The following FANCL variants were observed in gnomAD, a reference collection of about 807,000 sequenced individuals.
The protein encoded by FANCL is E3 ubiquitin-protein ligase FANCL.
FANCL carries 69 observed loss-of-function variants against 59.4 expected under a neutral mutation model. The observed-to-expected ratio is 1.16, with a 90% confidence interval of 0.96 to 1.42. FANCL has a LOEUF of 1.42. Ranked by LOEUF, FANCL falls within the 40% of genes most tolerant of loss-of-function variation. The probability of loss-of-function intolerance (pLI) is 0.00; values close to 1 mark genes in which losing one functional copy is unlikely to be tolerated. For missense variants in FANCL, 519 were observed against 447.2 expected (o/e 1.16, Z -1.45); for synonymous variants, 180 against 147.1 (o/e 1.22, Z -1.62).
At chr2:58,235,166 A>C (rs1169070494) in intron 1 of FANCL, among the ~76,000 whole-genome samples, 3 of 151,958 alleles carry the variant, frequency 2.0e-5, no homozygotes, top group African/African-American at 7.2e-5. Flanking sequence ...AGAGAAATGC[A>C]TGGAGAGTAG....
At chr2:58,177,882 C>G (rs1036205447) in intron 7 of FANCL, among the ~76,000 whole-genome samples, 19 of 150,974 alleles carry the variant, frequency 1.3e-4, no homozygotes, top group African/African-American at 4.6e-4. Flanking sequence ...ATCAAATAGA[C>G]ACAATAAAAA....
intron 5 of FANCL, among the ~76,000 whole-genome samples, chr2:58,217,792 A>C (rs941157726): frequency 7.5e-5 from 11 of 145,788 alleles, no homozygotes; most frequent in Non-Finnish European, 1.1e-4. Flanking sequence ...ACAAGCGGAC[A>C]AAAAAAAAAA....
intron 5 of FANCL, among the ~76,000 whole-genome samples, chr2:58,211,264 G>A (rs1402857324): frequency 6.6e-6 from 1 of 152,206 alleles, no homozygotes; most frequent in Non-Finnish European, 1.5e-5. Context: ...AACAACATGT[G>A]GAAGCTGCCA....
At chr2:58,226,259 T>C (rs946265430) in intron 4 of FANCL, among the ~76,000 whole-genome samples, 2 of 152,164 alleles carry the variant, frequency 1.3e-5, no homozygotes. Flanking sequence ...ATAAAATGTC[T>C]ACAGGATAAA....
In FANCL at chr2:58,229,782, C is replaced by A. The variant is rs773454358; in HGVS notation, c.216+32G>T. The A allele has an allele frequency of 4.0e-6, 6 of 1,502,912 alleles. No individual in the cohort carries two copies. The Admixed American group carries it at 6.7e-5, about 17-fold the overall frequency. 93.1% of individuals were successfully genotyped at this position (1,502,912 alleles called of 1,614,324 possible). On this transcript the variant is annotated intron_variant, in intron 3 of 13. Coordinates refer to ENST00000233741, the MANE Select transcript of FANCL (RefSeq NM_018062.4). ...TAAATTTAGTAATTTCTTATCTTCACTGAAAACATAAACCTTTTAAAAAGG... is the reference window on the plus strand; with the variant it reads ...TAAATTTAGTAATTTCTTATCTTCAATGAAAACATAAACCTTTTAAAAAGG...
chr2:58,172,076 T>A (rs1319634793), intron 7 of FANCL, among the ~76,000 whole-genome samples: 1 of 152,050 alleles, frequency 6.6e-6, no homozygotes, highest in Non-Finnish European at 1.5e-5. Context: ...CAGGCTAGCT[T>A]AGGAAAACAA....
At chr2:58,196,824 A>G (rs2105086226) in intron 7 of FANCL, among the ~76,000 whole-genome samples, 1 of 152,066 alleles carries the variant, frequency 6.6e-6, no homozygotes, top group East Asian at 1.9e-4. Flanking sequence ...GATAAATATT[A>G]AAGTATAATT....
chr2:58,202,239 T>TAAAAA (rs5831491), intron 6 of FANCL, among the ~76,000 whole-genome samples: 1,258 of 106,056 alleles, frequency 0.012, 49 homozygotes, highest in African/African-American at 0.044. Flanking sequence ...ACCTTTTTCC[T>TAAAAA]AAAAAAAAAA....
chr2:58,241,333 C>A (rs1163086363), upstream of FANCL: 1 of 1,612,722 alleles, frequency 6.2e-7, no homozygotes, highest in African/African-American at 1.3e-5. Context: ...TCCGGAGAAA[C>A]ACAGAAAAGC....
chr2:58,167,583 A>T (rs1686083614), intron 7 of FANCL, among the ~76,000 whole-genome samples: 1 of 152,266 alleles, frequency 6.6e-6, no homozygotes, highest in South Asian at 2.1e-4. Context: ...TCTTATGCAC[A>T]ACTGCAAATA....
chr2:58,159,533 C>T lies in FANCL; in HGVS notation c.*232G>A, dbSNP rs1015035479. 5.6e-6 allele frequency: 9 copies of T among 1,613,688 alleles called. No homozygotes were observed. In the Admixed American group the frequency reaches 1.3e-4, roughly 24 times the overall value. ...CCATCTTGGTATAAATACACTTCCA[C>T]AGTCAGCACGGGGATCACAGACTTA... On this transcript the variant is annotated 3_prime_UTR_variant, in exon 14 of 14. Transcript: ENST00000233741.
At position 58,209,067 on chromosome 2, in the gene FANCL, A is replaced by T. The variant is rs145894926; in HGVS notation, c.375-4841T>A. On this transcript the variant is annotated intron_variant, in intron 5 of 13. Transcript: ENST00000233741. ...ATATTCCTTCAAAGCTTATCCCAAC[A>T]TTCATCTCCTCTAAGAACTCTCCTA... Among the ~76,000 whole-genome samples the T allele has an allele frequency of 2.5e-3, 380 of 152,302 alleles. 1 individual carries two copies. The highest frequency in any genetic ancestry group is 6.8e-3 in the Middle Eastern group (2 of 294).
intron 5 of FANCL, among the ~76,000 whole-genome samples, chr2:58,213,195 C>G (rs907359318): frequency 3.3e-5 from 5 of 151,766 alleles, no homozygotes; most frequent in Admixed American, 1.3e-4. Context: ...ACATTTAAAT[C>G]AATCTGTCAT....
In FANCL at chr2:58,226,796, T is replaced by C. The variant is rs753054636; in HGVS notation, c.217-12A>G. 1.0e-5 allele frequency: 16 copies of C among 1,604,950 alleles called. No homozygotes were observed. The Admixed American group carries it at 2.7e-4, about 27-fold the overall frequency. The stretch of plus-strand genomic sequence containing the variant: ...GAGTGCTGCATTCTCTAGATCAAAA[T>C]ATTTCCAATTAATTTCATTTGCACA... On this transcript the variant is annotated splice_polypyrimidine_tract_variant and intron_variant, in intron 3 of 13. Coordinates refer to ENST00000233741, the MANE Select transcript of FANCL (RefSeq NM_018062.4).
chr2:58,163,997 A>G (rs950144937), intron 8 of FANCL, among the ~76,000 whole-genome samples: 1 of 152,046 alleles, frequency 6.6e-6, no homozygotes, highest in Admixed American at 6.5e-5. Flanking sequence ...AAAAATTTAT[A>G]AAAACATTTT....
At chr2:58,179,186 C>T (rs1331087683) in intron 7 of FANCL, among the ~76,000 whole-genome samples, 1 of 152,044 alleles carries the variant, frequency 6.6e-6, no homozygotes, top group Non-Finnish European at 1.5e-5. Context: ...CAATGCTATC[C>T]CCATCAATCT....
intron 5 of FANCL, among the ~76,000 whole-genome samples, chr2:58,205,214 A>G (rs767380648): frequency 2.6e-5 from 4 of 152,062 alleles, no homozygotes; most frequent in African/African-American, 4.8e-5. Context: ...GGTACTATAT[A>G]ATGATAACAT....
chr2:58,182,052 A>G (rs1323163722), intron 7 of FANCL, among the ~76,000 whole-genome samples: 7 of 151,858 alleles, frequency 4.6e-5, no homozygotes, highest in African/African-American at 1.7e-4. Flanking sequence ...TGAAATGTCT[A>G]TGATAAGCAT....
In FANCL at chr2:58,159,555, C is replaced by CTT; in HGVS notation, c.*208_*209dup. 3 of 1,613,818 alleles carry CTT rather than the reference C, an allele frequency of 1.9e-6. No homozygotes were observed. The highest frequency in any genetic ancestry group is 2.5e-6 in the Non-Finnish European group (3 of 1,179,812). ...CCACAGTCAGCACGGGGATCACAGACTTAGAAAGTTCAACTGGACTTTGGC... is the reference window on the plus strand; with the variant it reads ...CCACAGTCAGCACGGGGATCACAGACTTTTAGAAAGTTCAACTGGACTTTGGC... On this transcript the variant is annotated 3_prime_UTR_variant, in exon 14 of 14. Transcript: ENST00000233741.
Sources: allele counts gnomAD v4.1 joint callset (sites outside exome capture counted in the v4.1 genomes callset), GRCh38; gene constraint gnomAD v4.1.1; transcripts MANE v1.5; gene names NCBI Gene and HGNC (gene_info 2026-07-23, HGNC 2026-07-21).